BBS4: variants seen among roughly 807,000 people sequenced by gnomAD.
BBS4 encodes the protein Bardet-Biedl syndrome 4, also known as BBSome complex member BBS4.
BBS4 carries 58 observed loss-of-function variants against 71.4 expected under a neutral mutation model. That is an observed-to-expected ratio of 0.81 (90% CI 0.66 to 1.01). The LOEUF (loss-of-function observed/expected upper bound fraction) is 1.01. Among genes scored for constraint, BBS4 ranks in the 50% least tolerant of loss-of-function variants. The probability of loss-of-function intolerance (pLI) is 0.00; values close to 1 mark genes in which losing one functional copy is unlikely to be tolerated. For synonymous variants in BBS4, 228 were observed against 216.8 expected (o/e 1.05, Z -0.46); for missense variants, 660 against 607.9 (o/e 1.09, Z -0.90).
At chr15:72,724,232 T>C (rs1297603727) in intron 7 of BBS4, among the ~76,000 whole-genome samples, 1 of 152,228 alleles carries the variant, frequency 6.6e-6, no homozygotes, top group Non-Finnish European at 1.5e-5. Flanking sequence ...GATGGCCCTT[T>C]TGACTTATGA....
Position 72,724,606 on chromosome 15 carries a change from C to G in BBS4, c.538C>G (p.Leu180Val). ...TATAATGCTGGGGAAGATCCACTTG[C>G]TGGAGGGAGACTTGGACAAGGCCAT... is the stretch of plus-strand genomic sequence containing the variant. Reference protein sequence around the residue: ...TYIMLGKIHLLEGDLDKAIEV... With the variant: ...TYIMLGKIHLVEGDLDKAIEV... Residue 180 changes from leucine to valine, a missense_variant, in exon 8 of 16, where the codon CTG becomes GTG. Physicochemically the swap from Leu to Val is conservative, Grantham distance 32. Transcript: ENST00000268057. The G allele has an allele frequency of 6.2e-7, 1 of 1,614,052 alleles. No homozygotes were observed. The highest frequency in any genetic ancestry group is 1.1e-5 in the South Asian group (1 of 91,084).
chr15:72,712,430 T>A (rs1031543067), intron 4 of BBS4, 123 bp downstream of exon 4: 1 of 941,652 alleles, frequency 1.1e-6, no homozygotes, highest in East Asian at 2.6e-5. Flanking sequence ...AATGGAGATA[T>A]GTTCTAAGAA....
chr15:72,726,193 C>T (rs2065697924), intron 8 of BBS4, among the ~76,000 whole-genome samples: 1 of 151,742 alleles, frequency 6.6e-6, no homozygotes, highest in Non-Finnish European at 1.5e-5. Flanking sequence ...CTCACTGCAA[C>T]CTCTGCCTCC....
In BBS4 at chr15:72,736,026, C is replaced by A. The variant is rs28397892; in HGVS notation, c.1248+60C>A. 6.3e-6 allele frequency: 10 copies of A among 1,598,980 alleles called. No homozygotes were observed. The African/African-American group carries it at 1.2e-4, about 19-fold the overall frequency. ...AAGCTCTCAGGAGACTTTTAAAAATCAAGCCCAGATCATCCAAATCCAAGG... is the reference window on the plus strand; with the variant it reads ...AAGCTCTCAGGAGACTTTTAAAAATAAAGCCCAGATCATCCAAATCCAAGG... On this transcript the variant is annotated intron_variant, in intron 14 of 15. Transcript: ENST00000268057.
At chr15:72,704,346 G>T in intron 2 of BBS4, 1 of 873,256 alleles carries the variant, frequency 1.1e-6, no homozygotes. Flanking sequence ...ACATGCTTAT[G>T]TTTTGTGGAG....
chr15:72,686,325 A>G, intron 1 of BBS4, 74 bp downstream of exon 1: 2 of 1,547,620 alleles, frequency 1.3e-6, no homozygotes, highest in Middle Eastern at 1.7e-4. Context: ...TGTCCCATGC[A>G]GCGGTTCCTG....
At chr15:72,736,049 AGG>A in intron 14 of BBS4, 83 bp downstream of exon 14, 1 of 1,512,300 alleles carries the variant, frequency 6.6e-7, no homozygotes, top group Non-Finnish European at 9.1e-7. Context: ...TCCAAATCCA[AGG>A]TATTACACGT....
rs184821945 is a variant in BBS4, at chr15:72,686,383, C to T, written c.24+132C>T. 289 of 1,537,736 alleles carry T rather than the reference C, an allele frequency of 1.9e-4. 1 individual carries two copies. The African/African-American group carries it at 3.4e-3, about 18-fold the overall frequency. ...GAGCGTCTCAGGGTGGGCGGGGCGA[C>T]ACGGTCCCCTTTTTACTGTCCCGGG... On this transcript the variant is annotated intron_variant, in intron 1 of 15. Coordinates refer to ENST00000268057, the MANE Select transcript of BBS4 (RefSeq NM_033028.5).
At chr15:72,736,009 A>G (rs759313872) in intron 14 of BBS4, 43 bp downstream of exon 14, 2 of 1,611,832 alleles carry the variant, frequency 1.2e-6, no homozygotes, top group South Asian at 1.1e-5. Flanking sequence ...GTAAGCTCTC[A>G]GGAGACTTTT....
intron 1 of BBS4, among the ~76,000 whole-genome samples, chr15:72,693,190 T>C (rs1408359034): frequency 6.6e-6 from 1 of 152,258 alleles, no homozygotes; most frequent in African/African-American, 2.4e-5. Flanking sequence ...TAATGTATTT[T>C]AATTAAACAC....
chr15:72,688,957 C>G (rs932687676), intron 1 of BBS4, among the ~76,000 whole-genome samples: 14 of 152,064 alleles, frequency 9.2e-5, no homozygotes, highest in African/African-American at 3.4e-4. Flanking sequence ...AGAAGCCCCT[C>G]TCTCTCACTA....
At chr15:72,725,917 CCCCCTTCCCCCTTT>C (rs1595940086) in intron 8 of BBS4, among the ~76,000 whole-genome samples, 13 of 3,506 alleles carry the variant, frequency 3.7e-3, no homozygotes, top group African/African-American at 9.1e-3. Flanking sequence ...CTTTCCCCAT[CCCCCTTCCCCCTTT>C]CCCCTTCCCC....
At chr15:72,694,222 G>T (rs1354587315) in intron 1 of BBS4, among the ~76,000 whole-genome samples, 3 of 140,752 alleles carry the variant, frequency 2.1e-5, no homozygotes, top group African/African-American at 5.4e-5. Flanking sequence ...ACGTAGTCTT[G>T]CTCTGTTGCC....
intron 6 of BBS4, among the ~76,000 whole-genome samples, chr15:72,720,317 C>A (rs1343330620): frequency 1.3e-5 from 2 of 150,752 alleles, no homozygotes; most frequent in African/African-American, 4.9e-5. Flanking sequence ...GACCCAGTTT[C>A]TAGGAAAAAA....
At chr15:72,705,309 CA>C (rs35044237) in intron 2 of BBS4, among the ~76,000 whole-genome samples, 6,666 of 152,158 alleles carry the variant, frequency 0.044, 479 homozygotes, top group African/African-American at 0.15. Context: ...CTTGGTTTTA[CA>C]GATGAGGAAA....
Position 72,712,354 on chromosome 15 carries a change from C to T in BBS4, c.220+47C>T, listed in dbSNP as rs762602286. The T allele has an allele frequency of 3.8e-6, 6 of 1,568,980 alleles. No homozygotes were observed. In the African/African-American group the frequency reaches 4.1e-5, roughly 11 times the overall value. On this transcript the variant is annotated intron_variant, in intron 4 of 15. Coordinates refer to ENST00000268057, the MANE Select transcript of BBS4 (RefSeq NM_033028.5). ...TTCTTGCTAGAGAAATACACTTTTC[C>T]TAGGTTCTTGAAAAAGATCAGGCAA...
intron 3 of BBS4, 68 bp downstream of exon 3, chr15:72,709,847 A>G (rs1239747583): frequency 7.7e-7 from 1 of 1,297,826 alleles, no homozygotes; most frequent in African/African-American, 1.5e-5. Context: ...AGTGCCTGCT[A>G]AACAGAGTGT....
Position 72,737,603 on chromosome 15 carries a change from C to T in BBS4, c.*16C>T, listed in dbSNP as rs2065952198. On this transcript the variant is annotated 3_prime_UTR_variant, in exon 16 of 16. Transcript: ENST00000268057. Reference sequence around the variant, plus strand: ...AGAGAAATAAGAATAGAATGAATGACCCCAAAATAGGGTTTTCTTGGGCGA... The same window carrying T: ...AGAGAAATAAGAATAGAATGAATGATCCCAAAATAGGGTTTTCTTGGGCGA... 2.5e-6 allele frequency: 4 copies of T among 1,577,502 alleles called. No homozygotes were observed. Among genetic ancestry groups the T allele is most frequent in the Admixed American group, 1.8e-5 (1 of 56,786 alleles).
In BBS4 at chr15:72,724,650, A is replaced by AGT; in HGVS notation, c.584_585dup (p.Glu196TrpfsTer14). The AGT allele has an allele frequency of 1.2e-6, 2 of 1,613,976 alleles. No homozygotes were observed. The highest frequency in any genetic ancestry group is 8.5e-7 in the Non-Finnish European group (1 of 1,179,868). On this transcript the variant is annotated frameshift_variant, in exon 8 of 16. Transcript: ENST00000268057. LOFTEE classifies it high-confidence loss of function. ...AGGCCATTGAAGTCTACAAGAAAGC[A>AGT]GTGGAGTAAGTGTATCTGTTTCCTT... is the stretch of plus-strand genomic sequence containing the variant.
Sources: gnomAD v4.1 joint callset for allele counts (sites outside exome capture counted in the v4.1 genomes callset) on GRCh38, gnomAD v4.1.1 for gene constraint, MANE v1.5 for transcripts, NCBI Gene and HGNC (gene_info 2026-07-23, HGNC 2026-07-21) for gene names.